The following CHST8 variants were observed in gnomAD, a reference collection of about 807,000 sequenced individuals.
CHST8 encodes the protein GALNAC-4-ST1.
A neutral mutation model predicts 15.0 loss-of-function variants in CHST8; 10 were observed. That is an observed-to-expected ratio of 0.67 (90% CI 0.41 to 1.13). CHST8 has a LOEUF of 1.13. Among genes scored for constraint, CHST8 ranks in the 50% most tolerant of loss-of-function variants. The probability of loss-of-function intolerance (pLI) is 0.00; values close to 1 mark genes in which losing one functional copy is unlikely to be tolerated. For missense variants in CHST8, 634 were observed against 608.2 expected (o/e 1.04, Z -0.45); for synonymous variants, 259 against 256.6 (o/e 1.01, Z -0.09).
chr19:33,623,219 C>T (rs1240372697), intron 1 of CHST8, among the ~76,000 whole-genome samples: 1 of 152,210 alleles, frequency 6.6e-6, no homozygotes, highest in African/African-American at 2.4e-5. Context: ...GCGGCGCCCT[C>T]GGCTGTGGGC....
rs151093176 is a variant in CHST8, at chr19:33,727,064, C to A, written c.130+37673C>A. On this transcript the variant is annotated intron_variant, in intron 3 of 4. Coordinates refer to ENST00000650847, the MANE Select transcript of CHST8 (RefSeq NM_001127895.2). ...CTCTCCTCCCCTTCCCAGGCCCTTT[C>A]TGTGCCAAAGATGCACTTCATCCAC... 2.1e-3 allele frequency among the ~76,000 whole-genome samples: 319 copies of A among 152,136 alleles called. 1 individual carries two copies. Among genetic ancestry groups the A allele is most frequent in the African/African-American group, 7.3e-3 (303 of 41,506 alleles).
intron 1 of CHST8, among the ~76,000 whole-genome samples, chr19:33,639,618 T>G (rs1044851809): frequency 6.6e-6 from 1 of 151,646 alleles, no homozygotes; most frequent in Non-Finnish European, 1.5e-5. Flanking sequence ...AGTTTTGGAG[T>G]GGGTGAAGTG....
intron 1 of CHST8, among the ~76,000 whole-genome samples, chr19:33,658,999 T>C (rs887507657): frequency 6.6e-6 from 1 of 151,928 alleles, no homozygotes; most frequent in African/African-American, 2.4e-5. Flanking sequence ...CTATAGCCAA[T>C]GATTTTATTT....
At chr19:33,726,528 AC>A (rs1330120221) in intron 3 of CHST8, among the ~76,000 whole-genome samples, 1 of 152,058 alleles carries the variant, frequency 6.6e-6, no homozygotes, top group African/African-American at 2.4e-5. Flanking sequence ...ACAGAGCAAG[AC>A]CCTGTCTCAA....
intron 3 of CHST8, among the ~76,000 whole-genome samples, chr19:33,717,105 A>G (rs1220992732): frequency 6.6e-6 from 1 of 152,158 alleles, no homozygotes; most frequent in African/African-American, 2.4e-5. Context: ...CAGGCTCTTG[A>G]CACCCTTGCA....
At chr19:33,738,246 T>C (rs1428848568) in intron 3 of CHST8, among the ~76,000 whole-genome samples, 3 of 152,208 alleles carry the variant, frequency 2.0e-5, no homozygotes, top group Non-Finnish European at 4.4e-5. Flanking sequence ...AATGTTTGCC[T>C]GGAAAAATTT....
intron 1 of CHST8, among the ~76,000 whole-genome samples, chr19:33,650,513 C>CTTTTTTTTTTTT (rs1356639318): frequency 8.1e-5 from 3 of 36,852 alleles, no homozygotes; most frequent in Admixed American, 2.9e-4. Context: ...TTTTCTTTTT[C>CTTTTTTTTTTTT]TTTTCTTTTT....
chr19:33,622,840 C>G (rs1396923781), intron 1 of CHST8, among the ~76,000 whole-genome samples: 1 of 152,190 alleles, frequency 6.6e-6, no homozygotes, highest in African/African-American at 2.4e-5. Flanking sequence ...GGGCACCGGC[C>G]TGTGAGTGCT....
intron 2 of CHST8, among the ~76,000 whole-genome samples, chr19:33,681,010 C>T (rs2145244527): frequency 6.6e-6 from 1 of 152,312 alleles, no homozygotes; most frequent in Non-Finnish European, 1.5e-5. Flanking sequence ...AACCGTAGAA[C>T]AGTATTAAAA....
At chr19:33,755,296 A>C (rs1214438655) in intron 3 of CHST8, among the ~76,000 whole-genome samples, 1 of 152,174 alleles carries the variant, frequency 6.6e-6, no homozygotes, top group African/African-American at 2.4e-5. Flanking sequence ...TTCATTCTGT[A>C]ATCAACTCCC....
intron 3 of CHST8, among the ~76,000 whole-genome samples, chr19:33,745,546 G>A (rs1401767561): frequency 2.0e-5 from 3 of 152,188 alleles, no homozygotes; most frequent in East Asian, 1.9e-4. Context: ...ACTGACTGTC[G>A]GGTTCCTGGG....
intron 1 of CHST8, among the ~76,000 whole-genome samples, chr19:33,661,363 A>G (rs902789873): frequency 1.3e-5 from 2 of 152,186 alleles, no homozygotes; most frequent in Non-Finnish European, 2.9e-5. Flanking sequence ...AGTTCTCACA[A>G]CAAAGCCCTG....
At chr19:33,699,583 G>T (rs564027526) in intron 3 of CHST8, among the ~76,000 whole-genome samples, 12 of 152,218 alleles carry the variant, frequency 7.9e-5, no homozygotes, top group Middle Eastern at 3.4e-3. Flanking sequence ...GTCTCCCTCC[G>T]CAGCACGTGC....
At chr19:33,639,465 A>G (rs763942645) in intron 1 of CHST8, among the ~76,000 whole-genome samples, 2 of 152,328 alleles carry the variant, frequency 1.3e-5, no homozygotes, top group South Asian at 2.1e-4. Flanking sequence ...TAACAGGTCC[A>G]TTGCCTGATG....
chr19:33,722,037 T>G (rs1213152766), intron 3 of CHST8, among the ~76,000 whole-genome samples: 1 of 141,508 alleles, frequency 7.1e-6, no homozygotes, highest in Non-Finnish European at 1.5e-5. Flanking sequence ...AGTGGGCATA[T>G]GGATGGATGG....
intron 3 of CHST8, among the ~76,000 whole-genome samples, chr19:33,752,332 C>T (rs1028383094): frequency 1.3e-5 from 2 of 152,220 alleles, no homozygotes; most frequent in African/African-American, 4.8e-5. Flanking sequence ...CAAGATGACA[C>T]GTCTAAGAGG....
At chr19:33,736,310 G>A (rs920341979) in intron 3 of CHST8, among the ~76,000 whole-genome samples, 40 of 152,182 alleles carry the variant, frequency 2.6e-4, no homozygotes, top group African/African-American at 1.4e-4. Flanking sequence ...GGGCTCTCCC[G>A]GATGCTGCTA....
At chr19:33,659,756 AG>A (rs1459950404) in intron 1 of CHST8, among the ~76,000 whole-genome samples, 4 of 152,216 alleles carry the variant, frequency 2.6e-5, no homozygotes, top group Admixed American at 1.3e-4. Flanking sequence ...GGCTGCAGTG[AG>A]CTGTGATCGC....
chr19:33,754,241 G>A (rs1250852374), intron 3 of CHST8, among the ~76,000 whole-genome samples: 1 of 149,466 alleles, frequency 6.7e-6, no homozygotes, highest in Admixed American at 6.7e-5. Flanking sequence ...CTCACACTTG[G>A]CAGTCAAGTG....
Sources: allele counts gnomAD v4.1 joint callset (sites outside exome capture counted in the v4.1 genomes callset), GRCh38; gene constraint gnomAD v4.1.1; transcripts MANE v1.5; gene names NCBI Gene and HGNC (gene_info 2026-07-23, HGNC 2026-07-21).